The following ATL2 variants were observed in gnomAD, a reference collection of about 807,000 sequenced individuals.
ATL2 encodes the protein atlastin-2.
A neutral mutation model predicts 73.9 loss-of-function variants in ATL2; 31 were observed. The observed-to-expected ratio is 0.42, with a 90% CI of 0.32 to 0.57. The LOEUF is 0.57. Ranked by LOEUF, ATL2 falls within the 20% of genes least tolerant of loss-of-function variation. The pLI, the probability that ATL2 is intolerant of heterozygous loss-of-function variation, is 0.14. For missense variants in ATL2, 738 were observed against 702.6 expected (o/e 1.05, Z -0.57); for synonymous variants, 291 against 237.5 (o/e 1.23, Z -2.07).
intron 1 of ATL2, 148 bp from the exon 2 acceptor site, chr2:38,343,660 C>T: frequency 1.4e-6 from 1 of 724,720 alleles, no homozygotes; most frequent in Admixed American, 3.1e-5. Flanking sequence ...ATTTCTCACT[C>T]CCTCTGTGAC....
chr2:38,354,003 G>C (rs1179413072), intron 1 of ATL2: 3 of 270,610 alleles, frequency 1.1e-5, no homozygotes, highest in Non-Finnish European at 2.2e-5. Context: ...GACCATCCTG[G>C]CCAACATGGT....
chr2:38,348,133 C>G (rs895489288), intron 1 of ATL2, among the ~76,000 whole-genome samples: 7 of 151,996 alleles, frequency 4.6e-5, no homozygotes, highest in African/African-American at 1.7e-4. Flanking sequence ...TCCGACAACT[C>G]AAGAGTATTA....
rs1292919740 is a variant in ATL2 at position 38,298,253 on chromosome 2, A to G, written c.1523T>C (p.Met508Thr). Reference sequence around the variant, plus strand: ...ACAAAGAAATATCAGTGCTAACCCCATGACAAGGTTACACAAGACAGCTAT... The same window carrying G: ...ACAAAGAAATATCAGTGCTAACCCCGTGACAAGGTTACACAAGACAGCTAT... ...NSIAVLCNLV[M>T]GLALIFLCTW... is the part of the protein sequence containing the mutation. The change falls in exon 12 of 13, where the codon ATG (methionine) becomes ACG (threonine). Residue 508 changes from methionine to threonine, a missense_variant. Met to Thr is a moderately conservative substitution (Grantham distance 81). Coordinates refer to ENST00000378954, the MANE Select transcript of ATL2 (RefSeq NM_001135673.4). 1 of 1,614,146 alleles carries G rather than the reference A, an allele frequency of 6.2e-7. No homozygotes were observed. Among genetic ancestry groups the G allele is most frequent in the South Asian group, 1.1e-5 (1 of 91,086 alleles).
chr2:38,309,366 A>G lies in ATL2; in HGVS notation c.1071+13T>C. 6.3e-7 allele frequency: 1 copy of G among 1,595,134 alleles called. No individual in the cohort carries two copies. The highest frequency in any genetic ancestry group is 1.1e-5 in the South Asian group (1 of 88,076). On this transcript the variant is annotated intron_variant, in intron 9 of 12. Coordinates refer to ENST00000378954, the MANE Select transcript of ATL2 (RefSeq NM_001135673.4). ...TTTCTATCTTAGACAAAACTGTTTA[A>G]GAGCTCACCTACCTTAAAATATTCT...
intron 2 of ATL2, among the ~76,000 whole-genome samples, chr2:38,321,911 C>T (rs114322090): frequency 1.2e-4 from 18 of 152,172 alleles, no homozygotes; most frequent in African/African-American, 4.1e-4. Context: ...GGGGGTTTCG[C>T]CACGTTGCCC....
rs904060604 is a variant in ATL2, at chr2:38,336,397, T to C, written c.363+6871A>G. 3.3e-5 allele frequency among the ~76,000 whole-genome samples: 5 copies of C among 152,220 alleles called. No individual in the cohort carries two copies. The East Asian group carries it at 9.6e-4, about 29-fold the overall frequency. On this transcript the variant is annotated intron_variant, in intron 2 of 12. Transcript: ENST00000378954. ...TAAAATGCCATTACCAAATATGCTG[T>C]AGAAGGAGTCAAAACTCTTGAGTAG... is the stretch of plus-strand genomic sequence containing the variant.
intron 2 of ATL2, among the ~76,000 whole-genome samples, chr2:38,325,581 A>G (rs1438382867): frequency 6.7e-6 from 1 of 150,120 alleles, no homozygotes; most frequent in Non-Finnish European, 1.5e-5. Flanking sequence ...ACACTTTTTA[A>G]GTTCACCCTG....
At chr2:38,338,260 AC>A (rs1669488097) in intron 2 of ATL2, among the ~76,000 whole-genome samples, 2 of 152,274 alleles carry the variant, frequency 1.3e-5, no homozygotes, top group Admixed American at 6.5e-5. Flanking sequence ...AAACAAGGGT[AC>A]TCACGTACAC....
intron 5 of ATL2, 90 bp downstream of exon 5, chr2:38,315,194 T>C: frequency 1.6e-6 from 2 of 1,268,324 alleles, no homozygotes; most frequent in South Asian, 4.2e-5. Flanking sequence ...GAGGTTGCAG[T>C]GAACCAAGAT....
At chr2:38,347,767 CTTT>C (rs1177228968) in intron 1 of ATL2, among the ~76,000 whole-genome samples, 10 of 133,868 alleles carry the variant, frequency 7.5e-5, no homozygotes, top group Admixed American at 1.5e-4. Flanking sequence ...CTGCCCTTAC[CTTT>C]TTTTTTTTTT....
intron 1 of ATL2, among the ~76,000 whole-genome samples, chr2:38,351,967 CTGGGTGTGG>C (rs1670373013): frequency 6.6e-6 from 1 of 151,532 alleles, no homozygotes; most frequent in East Asian, 2.0e-4. Context: ...CAAAAATTAG[CTGGGTGTGG>C]TGGCAGGCCC....
intron 1 of ATL2, chr2:38,376,405 T>G: frequency 4.6e-6 from 2 of 434,316 alleles, no homozygotes; most frequent in Non-Finnish European, 8.0e-6. Context: ...ACAGACACTT[T>G]CAGAGTGATC....
chr2:38,299,392 C>A (rs1468778965), intron 10 of ATL2, 65 bp from the exon 11 acceptor site: 12 of 1,450,832 alleles, frequency 8.3e-6, no homozygotes, highest in South Asian at 2.9e-5. Flanking sequence ...TTCTGATTAA[C>A]ACAATAAGTT....
intron 1 of ATL2, among the ~76,000 whole-genome samples, chr2:38,363,023 G>A (rs1671099199): frequency 6.6e-6 from 1 of 152,212 alleles, no homozygotes; most frequent in African/African-American, 2.4e-5. Context: ...TTTTACTACA[G>A]AAGAGTGAAA....
intron 12 of ATL2, among the ~76,000 whole-genome samples, chr2:38,297,149 T>A (rs1179985213): frequency 6.6e-6 from 1 of 152,150 alleles, no homozygotes; most frequent in Non-Finnish European, 1.5e-5. Context: ...AAATCCAAAT[T>A]AATATAGTGG....
At chr2:38,298,041 C>T in intron 12 of ATL2, 103 bp downstream of exon 12, 3 of 1,037,978 alleles carry the variant, frequency 2.9e-6, no homozygotes, top group Non-Finnish European at 4.2e-6. Context: ...ATCCTTTTGA[C>T]ATTCCTCACA....
chr2:38,370,448 C>CAAAAAA (rs55964015), intron 1 of ATL2, among the ~76,000 whole-genome samples: 34 of 55,208 alleles, frequency 6.2e-4, no homozygotes, highest in East Asian at 9.8e-4. Flanking sequence ...GACTCTGTCC[C>CAAAAAA]AAAAAAAAAA....
At chr2:38,351,488 T>G (rs1482960255) in intron 1 of ATL2, among the ~76,000 whole-genome samples, 1 of 148,266 alleles carries the variant, frequency 6.7e-6, no homozygotes, top group Non-Finnish European at 1.5e-5. Flanking sequence ...TATACATATA[T>G]ATATTTAATT....
Position 38,343,345 on chromosome 2 carries a change from C to G in ATL2, c.286G>C (p.Val96Leu), listed in dbSNP as rs747804696. 2.0e-5 allele frequency: 33 copies of G among 1,611,264 alleles called. No homozygotes were observed. Among genetic ancestry groups the G allele is most frequent in the African/African-American group, 4.0e-5 (3 of 74,076 alleles). ...QEHIRDLNIV[V>L]VSVAGAFRKG... is the part of the protein sequence containing the mutation. ...CGAAAAGCTCCTGCCACAGATACCA[C>G]TACTATGTTAAGATCTCGTATGTGC... Residue 96 changes from valine to leucine, a missense_variant, in exon 2 of 13, where the codon GTG (valine) becomes CTG (leucine). Val to Leu is a conservative substitution (Grantham distance 32, BLOSUM62 1). Transcript: ENST00000378954.
Sources: allele counts gnomAD v4.1 joint callset (sites outside exome capture counted in the v4.1 genomes callset), GRCh38; gene constraint gnomAD v4.1.1; transcripts MANE v1.5; gene names NCBI Gene and HGNC (gene_info 2026-07-23, HGNC 2026-07-21).